The following DOCK7 variants were observed in gnomAD, a reference collection of about 807,000 sequenced individuals.
The protein encoded by DOCK7 is dedicator of cytokinesis 7.
Under a neutral mutation model 271.0 loss-of-function variants are expected in DOCK7, and 138 were observed. The observed-to-expected ratio is 0.51, with a 90% confidence interval of 0.44 to 0.59. The LOEUF (loss-of-function observed/expected upper bound fraction) is 0.59. Ranked by LOEUF, DOCK7 falls within the 20% of genes least tolerant of loss-of-function variation. The pLI is 0.00. For missense variants in DOCK7, 2,066 were observed against 2,592.4 expected (o/e 0.80, Z 4.41); for synonymous variants, 823 against 876.1 (o/e 0.94, Z 1.07).
In DOCK7 at chr1:62,483,193, T is replaced by TG. The variant is rs1243951496; in HGVS notation, c.5508+4204_5508+4205insC. 5.3e-4 allele frequency: 47 copies of TG among 88,314 alleles called. 2 individuals carry two copies. In the East Asian group the frequency reaches 9.2e-3, roughly 17 times the overall value. 5.5% of individuals were successfully genotyped at this position (88,314 alleles called of 1,614,324 possible). A position where few individuals can be genotyped will look rare whatever the true frequency, so the allele number is the denominator to read the frequency against. The stretch of plus-strand genomic sequence containing the variant: ...CAGCTAATTTTTTTTTTTTTTTTTT[T>TG]TTTTTTTTTTTTTTTTTTGGGTAGA... On this transcript the variant is annotated intron_variant, in intron 43 of 49. Coordinates refer to ENST00000635253, the MANE Select transcript of DOCK7 (RefSeq NM_001367561.1).
rs1161598836 is a variant in DOCK7, at chr1:62,505,708, C to T, written c.4585G>A (p.Ala1529Thr). ...QSAVYLQHCF[A>T]TQRALVSKFP... ...TTTGAAACCAAGGCTCTCTGTGTAGCAAAACAGTGTTGTAGATAAACTGCA... is the reference window on the plus strand; with the variant it reads ...TTTGAAACCAAGGCTCTCTGTGTAGTAAAACAGTGTTGTAGATAAACTGCA... The change falls in exon 36 of 50, where the codon GCT becomes ACT. Residue 1529 changes from alanine (A) to threonine (T), a missense_variant. Coordinates refer to ENST00000635253, the MANE Select transcript of DOCK7 (RefSeq NM_001367561.1). 6.2e-7 allele frequency: 1 copy of T among 1,611,636 alleles called. No individual in the cohort carries two copies. The highest frequency in any genetic ancestry group is 1.7e-5 in the Admixed American group (1 of 59,590).
intron 29 of DOCK7, 21 bp downstream of exon 29, chr1:62,535,472 G>C: frequency 6.2e-7 from 1 of 1,606,686 alleles, no homozygotes; most frequent in Non-Finnish European, 8.5e-7. Flanking sequence ...TATTCTACAA[G>C]GTAAAAACTA....
In DOCK7 at chr1:62,477,786, T is replaced by C; in HGVS notation, c.5548A>G (p.Thr1850Ala). ...TGTTCATCCAAATCCCCGAACTTGGTTCCATAAAAACCAACACGAAAATAG... is the reference window on the plus strand; with the variant it reads ...TGTTCATCCAAATCCCCGAACTTGGCTCCATAAAAACCAACACGAAAATAG... ...GTYFRVGFYGTKFGDLDEQEF... is the reference protein window; with the variant it reads ...GTYFRVGFYGAKFGDLDEQEF... Residue 1850 changes from threonine (T) to alanine (A), a missense_variant, in exon 44 of 50, where the codon ACC becomes GCC. Thr to Ala is a moderately conservative substitution (Grantham distance 58, BLOSUM62 0). Coordinates refer to ENST00000635253, the MANE Select transcript of DOCK7 (RefSeq NM_001367561.1). The C allele has an allele frequency of 6.2e-7, 1 of 1,611,402 alleles. No homozygotes were observed.
intron 41 of DOCK7, among the ~76,000 whole-genome samples, chr1:62,489,770 C>G (rs1428348274): frequency 4.6e-5 from 7 of 152,194 alleles, no homozygotes; most frequent in African/African-American, 1.7e-4. Flanking sequence ...TAATTCTGAG[C>G]AGAAGAAAAA....
chr1:62,670,083 G>C (rs942928018), intron 1 of DOCK7, among the ~76,000 whole-genome samples: 1 of 152,164 alleles, frequency 6.6e-6, no homozygotes, highest in Non-Finnish European at 1.5e-5. Context: ...CCGGCCCACC[G>C]GTGCTGCGCT....
chr1:62,513,362 T>TA, intron 33 of DOCK7, 82 bp downstream of exon 33: 1 of 1,348,524 alleles, frequency 7.4e-7, no homozygotes, highest in Non-Finnish European at 9.8e-7. Flanking sequence ...AAACACTTTT[T>TA]AAAAAGCATA....
intron 1 of DOCK7, among the ~76,000 whole-genome samples, chr1:62,684,542 C>T (rs1204531187): frequency 1.3e-5 from 2 of 152,170 alleles, no homozygotes; most frequent in Non-Finnish European, 2.9e-5. Context: ...ATCCTATATT[C>T]TTTAGTACAT....
At chr1:62,679,123 C>T (rs1660840583) in intron 1 of DOCK7, among the ~76,000 whole-genome samples, 1 of 152,000 alleles carries the variant, frequency 6.6e-6, no homozygotes, top group Non-Finnish European at 1.5e-5. Context: ...ATTAAAATTT[C>T]ACACCATACA....
At chr1:62,687,122 G>A (rs1661873173) in intron 1 of DOCK7, among the ~76,000 whole-genome samples, 1 of 152,106 alleles carries the variant, frequency 6.6e-6, no homozygotes, top group African/African-American at 2.4e-5. Flanking sequence ...AAGACTCAGA[G>A]CCACAGAACT....
intron 14 of DOCK7, among the ~76,000 whole-genome samples, chr1:62,610,675 A>C (rs1418692394): frequency 6.6e-6 from 1 of 151,760 alleles, no homozygotes; most frequent in African/African-American, 2.4e-5. Context: ...ATGTGTTCTC[A>C]TTGTTTAGCT....
chr1:62,516,771 C>T (rs897522744), intron 31 of DOCK7: 1 of 152,304 alleles, frequency 6.6e-6, no homozygotes, highest in African/African-American at 2.4e-5. Flanking sequence ...GATCACCACA[C>T]ACATAGCTCT....
intron 34 of DOCK7, 92 bp downstream of exon 34, chr1:62,510,485 A>C (rs1443413089): frequency 2.3e-6 from 2 of 868,576 alleles, no homozygotes; most frequent in Non-Finnish European, 3.5e-6. Context: ...TGTAAATACT[A>C]AATGTAAATA....
At chr1:62,595,788 G>A (rs1649140981) in intron 14 of DOCK7, among the ~76,000 whole-genome samples, 1 of 152,062 alleles carries the variant, frequency 6.6e-6, no homozygotes, top group South Asian at 2.1e-4. Flanking sequence ...AATTAGCTGG[G>A]TGTGGTGGCA....
intron 43 of DOCK7, among the ~76,000 whole-genome samples, chr1:62,481,008 C>CA (rs35993847): frequency 0.36 from 33,605 of 94,298 alleles, 7,061 homozygotes; most frequent in African/African-American, 0.54. Context: ...GACTCCGTCT[C>CA]AAAAAAAAAA....
chr1:62,476,132 C>A lies in DOCK7; in HGVS notation c.5659G>T (p.Glu1887Ter). 1 of 1,612,972 alleles carries A rather than the reference C, an allele frequency of 6.2e-7. No homozygotes were observed. Among genetic ancestry groups the A allele is most frequent in the Non-Finnish European group, 8.5e-7 (1 of 1,179,552 alleles). The part of the protein sequence containing the change: ...LEGFYGERFG[E>*]DVVEVIKDSN... ...TCTTTGATTACTTCAACCACATCCT[C>A]TCCAAATCTTTCTCCGTAAAATCCC... The change falls in exon 45 of 50, where the codon GAG becomes TAG. Residue 1887 changes from glutamate (E) to a stop codon, truncating the protein, a stop_gained. Transcript: ENST00000635253. LOFTEE classifies it high-confidence loss of function.
intron 1 of DOCK7, among the ~76,000 whole-genome samples, chr1:62,680,702 A>G (rs1248821335): frequency 1.3e-5 from 2 of 151,748 alleles, no homozygotes; most frequent in Non-Finnish European, 2.9e-5. Flanking sequence ...GAAAAAAACA[A>G]CCCCATCAAA....
intron 18 of DOCK7, among the ~76,000 whole-genome samples, chr1:62,569,105 T>TA (rs1477631923): frequency 1.3e-5 from 2 of 151,924 alleles, no homozygotes; most frequent in African/African-American, 4.8e-5. Context: ...ATAAATAGCC[T>TA]ACCAACCAAA....
chr1:62,604,659 G>A (rs1276936820), intron 14 of DOCK7: 3 of 1,612,972 alleles, frequency 1.9e-6, no homozygotes, highest in Admixed American at 1.7e-5. Context: ...TGATGAGTGT[G>A]GAGAAAACAA....
chr1:62,561,401 AC>A (rs1276176527), intron 19 of DOCK7, among the ~76,000 whole-genome samples: 2 of 152,186 alleles, frequency 1.3e-5, no homozygotes, highest in African/African-American at 4.8e-5. Flanking sequence ...ACATTTTGAA[AC>A]AAAAATGTTT....
Sources: gnomAD v4.1 joint callset for allele counts (sites outside exome capture counted in the v4.1 genomes callset) on GRCh38, gnomAD v4.1.1 for gene constraint, MANE v1.5 for transcripts, NCBI Gene and HGNC (gene_info 2026-07-23, HGNC 2026-07-21) for gene names.